Variants in MDFIC observed in about 807,000 individuals in gnomAD.
The protein encoded by MDFIC is myoD family inhibitor domain-containing protein.
Under a neutral mutation model 23.2 loss-of-function variants are expected in MDFIC, and 17 were observed. The ratio of observed to expected loss-of-function variants is 0.73; its 90% CI spans 0.50 to 1.10. The LOEUF (loss-of-function observed/expected upper bound fraction) is 1.10, where lower values mean the gene tolerates loss of function less well. MDFIC is among the 50% of genes least tolerant of loss of function. The pLI is 0.00. For missense variants in MDFIC, 356 were observed against 316.6 expected (o/e 1.12, Z -0.95); for synonymous variants, 120 against 115.2 (o/e 1.04, Z -0.27).
chr7:114,981,996 G>A (rs1350885968), intron 4 of MDFIC, among the ~76,000 whole-genome samples: 8 of 152,218 alleles, frequency 5.3e-5, no homozygotes, highest in African/African-American at 1.2e-4. Context: ...GCTTGCTGGG[G>A]TACTTGAGTT....
At chr7:115,007,711 A>G (rs1420671233) in intron 4 of MDFIC, among the ~76,000 whole-genome samples, 1 of 147,100 alleles carries the variant, frequency 6.8e-6, no homozygotes, top group African/African-American at 2.6e-5. Context: ...TCTCACCCTG[A>G]CACCCAGGCT....
chr7:114,968,484 ATTG>A (rs1461450426), intron 3 of MDFIC, among the ~76,000 whole-genome samples: 3 of 152,186 alleles, frequency 2.0e-5, no homozygotes, highest in Admixed American at 2.0e-4. Context: ...TTATCTGAAT[ATTG>A]TTGTTCGATT....
chr7:114,973,903 C>G (rs530010648), intron 3 of MDFIC, among the ~76,000 whole-genome samples: 1 of 152,012 alleles, frequency 6.6e-6, no homozygotes, highest in South Asian at 2.1e-4. Flanking sequence ...AAATGTATTT[C>G]AGTATGTTAA....
At chr7:114,972,561 A>G (rs1793226608) in intron 3 of MDFIC, among the ~76,000 whole-genome samples, 1 of 152,280 alleles carries the variant, frequency 6.6e-6, no homozygotes, top group African/African-American at 2.4e-5. Context: ...ACTACATGAT[A>G]TCATTATTAT....
intron 4 of MDFIC, among the ~76,000 whole-genome samples, chr7:115,003,825 A>G (rs990340055): frequency 5.3e-5 from 8 of 152,036 alleles, no homozygotes; most frequent in African/African-American, 1.2e-4. Context: ...CTTCTACCCT[A>G]TGTTCTCTCC....
intron 4 of MDFIC, among the ~76,000 whole-genome samples, chr7:115,007,349 A>G (rs1791588945): frequency 6.6e-6 from 1 of 152,102 alleles, no homozygotes; most frequent in African/African-American, 2.4e-5. Context: ...TTTAATCTTC[A>G]TCATAACCCT....
At chr7:115,005,804 G>A (rs1412905581) in intron 4 of MDFIC, among the ~76,000 whole-genome samples, 1 of 152,160 alleles carries the variant, frequency 6.6e-6, no homozygotes, top group Non-Finnish European at 1.5e-5. Context: ...GCTTGCAATA[G>A]TGCCTTAAAA....
chr7:114,979,431 G>A (rs1793375649), intron 3 of MDFIC, 75 bp from the exon 4 acceptor site: 3 of 1,416,398 alleles, frequency 2.1e-6, no homozygotes, highest in Non-Finnish European at 2.8e-6. Context: ...CTCTGTTACT[G>A]AATGTATTTT....
At chr7:114,962,206 C>T (rs1274654577) in intron 3 of MDFIC, among the ~76,000 whole-genome samples, 1 of 152,126 alleles carries the variant, frequency 6.6e-6, no homozygotes, top group South Asian at 2.1e-4. Flanking sequence ...TGTTCAACCT[C>T]TGTGTTTCTC....
chr7:114,942,888 G>A (rs912182614), intron 3 of MDFIC, among the ~76,000 whole-genome samples: 1 of 152,080 alleles, frequency 6.6e-6, no homozygotes, highest in African/African-American at 2.4e-5. Context: ...CTATTTTCAT[G>A]TTATTCTTTG....
chr7:114,995,190 A>G (rs1791296282), intron 4 of MDFIC, among the ~76,000 whole-genome samples: 1 of 152,208 alleles, frequency 6.6e-6, no homozygotes, highest in Non-Finnish European at 1.5e-5. Flanking sequence ...CACAGTATTC[A>G]GCTCCATCAG....
intron 4 of MDFIC, among the ~76,000 whole-genome samples, chr7:114,986,271 G>A (rs1444162823): frequency 1.3e-5 from 2 of 151,854 alleles, no homozygotes; most frequent in Non-Finnish European, 2.9e-5. Flanking sequence ...TCGCTTCTTT[G>A]TCTTTTTGGT....
chr7:114,973,555 A>G (rs1793249884), intron 3 of MDFIC, among the ~76,000 whole-genome samples: 1 of 152,166 alleles, frequency 6.6e-6, no homozygotes, highest in Admixed American at 6.6e-5. Flanking sequence ...ACTCAGGACA[A>G]TTGGGAAAAT....
At chr7:114,967,198 T>C (rs1268448197) in intron 3 of MDFIC, among the ~76,000 whole-genome samples, 10 of 152,210 alleles carry the variant, frequency 6.6e-5, no homozygotes, top group Admixed American at 5.9e-4. Context: ...GGTGAAAAGA[T>C]TCTGATTAGT....
At chr7:114,930,458 T>C (rs766950809) in intron 2 of MDFIC, among the ~76,000 whole-genome samples, 1 of 152,190 alleles carries the variant, frequency 6.6e-6, no homozygotes, top group Non-Finnish European at 1.5e-5. Flanking sequence ...AAAAAAATTG[T>C]GGCTGTTGCT....
intron 4 of MDFIC, among the ~76,000 whole-genome samples, chr7:114,982,198 G>T (rs1376595767): frequency 6.6e-6 from 1 of 152,164 alleles, no homozygotes; most frequent in African/African-American, 2.4e-5. Flanking sequence ...AATGGGGCAG[G>T]GGCAGAAACA....
intron 4 of MDFIC, among the ~76,000 whole-genome samples, chr7:114,989,231 G>A (rs7784447): frequency 0.28 from 42,752 of 152,010 alleles, 6,255 homozygotes; most frequent in Middle Eastern, 0.36. Flanking sequence ...ATATCAAGGT[G>A]CACCAGATAT....
At chr7:115,006,018 G>T (rs1297216743) in intron 4 of MDFIC, among the ~76,000 whole-genome samples, 1 of 152,116 alleles carries the variant, frequency 6.6e-6, no homozygotes, top group Non-Finnish European at 1.5e-5. Context: ...CTGTTAGACC[G>T]CTGTGCTTCT....
At chr7:114,957,098 A>G (rs1045426558) in intron 3 of MDFIC, among the ~76,000 whole-genome samples, 2 of 152,164 alleles carry the variant, frequency 1.3e-5, no homozygotes, top group African/African-American at 4.8e-5. Context: ...CAAAAGAATG[A>G]TTATAATTTG....
Sources: allele counts gnomAD v4.1 joint callset (sites outside exome capture counted in the v4.1 genomes callset), GRCh38; gene constraint gnomAD v4.1.1; transcripts MANE v1.5; gene names NCBI Gene and HGNC (gene_info 2026-07-23, HGNC 2026-07-21).